The following ADAMTS17 variants were observed in gnomAD, a reference collection of about 807,000 sequenced individuals.
The protein encoded by ADAMTS17 is ADAM metallopeptidase with thrombospondin type 1 motif 17.
ADAMTS17 carries 113 observed loss-of-function variants against 141.5 expected under a neutral mutation model. That is an observed-to-expected ratio of 0.80 (90% CI 0.69 to 0.93). The LOEUF is 0.93. Among genes scored for constraint, ADAMTS17 ranks in the 40% least tolerant of loss-of-function variants. The probability of loss-of-function intolerance (pLI) is 0.00; values close to 1 mark genes in which losing one functional copy is unlikely to be tolerated. For missense variants in ADAMTS17, 1,659 were observed against 1,517.9 expected, an observed-to-expected ratio of 1.09 and a Z score of -1.54; for synonymous variants, 768 against 630.6, an observed-to-expected ratio of 1.22 and a Z score of -3.27.
intron 3 of ADAMTS17, among the ~76,000 whole-genome samples, chr15:100,316,463 C>G (rs1464812618): frequency 6.6e-6 from 1 of 152,194 alleles, no homozygotes; most frequent in African/African-American, 2.4e-5. Flanking sequence ...CCTTCGGAAT[C>G]AAGCCCATTG....
intron 6 of ADAMTS17, among the ~76,000 whole-genome samples, chr15:100,261,058 A>C (rs1003367400): frequency 2.6e-5 from 4 of 152,204 alleles, no homozygotes; most frequent in Non-Finnish European, 5.9e-5. Context: ...TGTATCCCCC[A>C]AAAAAGAAAT....
chr15:100,341,170 A>C lies in ADAMTS17; in HGVS notation c.319T>G (p.Phe107Val). 1 of 1,463,428 alleles carries C rather than the reference A, an allele frequency of 6.8e-7. No individual in the cohort carries two copies. Among genetic ancestry groups the C allele is most frequent in the Non-Finnish European group, 9.0e-7 (1 of 1,112,298 alleles). 90.7% of individuals were successfully genotyped at this position (1,463,428 alleles called of 1,614,324 possible). ...RRDLRFLSRG[F>V]EVEEAGAARR... Reference sequence around the variant, plus strand: ...GCCGCGCCCGCCTCCTCCACCTCGAAGCCTCGGGACAGGAAGCGCAGGTCG... The same window carrying C: ...GCCGCGCCCGCCTCCTCCACCTCGACGCCTCGGGACAGGAAGCGCAGGTCG... Residue 107 changes from phenylalanine to valine, a missense_variant, in exon 2 of 22, where the codon TTC (phenylalanine) becomes GTC (valine). Transcript: ENST00000268070.
At chr15:100,005,106 C>T (rs1436746990) in intron 18 of ADAMTS17, among the ~76,000 whole-genome samples, 1 of 152,202 alleles carries the variant, frequency 6.6e-6, no homozygotes. Flanking sequence ...TAATTCAGGG[C>T]ACCCCTTCTC....
At chr15:100,281,098 A>C (rs1294024891) in intron 4 of ADAMTS17, 131 bp downstream of exon 4, 20 of 1,306,520 alleles carry the variant, frequency 1.5e-5, no homozygotes, top group Non-Finnish European at 2.1e-5. Context: ...CAGAATTACC[A>C]GGCTATGTTC....
rs58885869 is a variant in ADAMTS17 at position 100,330,013 on chromosome 15, C to A, written c.616+876G>T. On this transcript the variant is annotated intron_variant, in intron 3 of 21. Coordinates refer to ENST00000268070, the MANE Select transcript of ADAMTS17 (RefSeq NM_139057.4). ...CTTTAAACTACAGAAGCACAACCCCCAGAAGTCAGCAGTGGGGTCCCACGA... is the reference window on the plus strand; with the variant it reads ...CTTTAAACTACAGAAGCACAACCCCAAGAAGTCAGCAGTGGGGTCCCACGA... Among the ~76,000 whole-genome samples, 308 of 152,316 alleles carry A rather than the reference C, an allele frequency of 2.0e-3. 4 individuals carry two copies. The highest frequency in any genetic ancestry group is 7.1e-3 in the African/African-American group (295 of 41,566).
rs187667059 is a variant in ADAMTS17, at chr15:100,021,613, A to C, written c.2592-24024T>G. Among the ~76,000 whole-genome samples, 361 of 152,342 alleles carry C rather than the reference A, an allele frequency of 2.4e-3. 2 individuals carry two copies. The highest frequency in any genetic ancestry group is 0.014 in the Middle Eastern group (4 of 294). On this transcript the variant is annotated intron_variant, in intron 18 of 21. Coordinates refer to ENST00000268070, the MANE Select transcript of ADAMTS17 (RefSeq NM_139057.4). ...TGAGCCCAGCATTCCGGTCCCAGCC[A>C]GTCTGATGATTTACTCATTCGTTCA...
intron 12 of ADAMTS17, among the ~76,000 whole-genome samples, chr15:100,127,210 T>G (rs1198084254): frequency 6.6e-6 from 1 of 152,094 alleles, no homozygotes; most frequent in Non-Finnish European, 1.5e-5. Context: ...AGACCTTATT[T>G]GGCAAAAGGG....
At chr15:100,271,834 T>G (rs2043923928) in intron 4 of ADAMTS17, among the ~76,000 whole-genome samples, 1 of 152,208 alleles carries the variant, frequency 6.6e-6, no homozygotes, top group Non-Finnish European at 1.5e-5. Context: ...CTTTTCCGTT[T>G]TTTCTTCTAA....
At chr15:100,278,327 CAAA>C (rs34991549) in intron 4 of ADAMTS17, among the ~76,000 whole-genome samples, 5 of 101,062 alleles carry the variant, frequency 4.9e-5, no homozygotes, top group Admixed American at 2.3e-4. Flanking sequence ...CATTCTACCA[CAAA>C]AAAAAAAAAA....
At chr15:100,137,707 C>T (rs2038406202) in intron 10 of ADAMTS17, among the ~76,000 whole-genome samples, 1 of 152,248 alleles carries the variant, frequency 6.6e-6, no homozygotes, top group African/African-American at 2.4e-5. Flanking sequence ...CCATACCCAG[C>T]TGTCTTTATA....
At chr15:100,078,118 A>G (rs143868743) in intron 15 of ADAMTS17, among the ~76,000 whole-genome samples, 3 of 152,230 alleles carry the variant, frequency 2.0e-5, no homozygotes, top group South Asian at 2.1e-4. Flanking sequence ...AAATGGAAAG[A>G]TATTTTATAT....
rs369937120 is a variant in ADAMTS17, at chr15:100,202,169, C to G, written c.1076-2746G>C. ...TCAAATGCCACACAAACACATCCCC[C>G]CTGGCCTCAGCCACACTCAGCACTC... On this transcript the variant is annotated intron_variant, in intron 7 of 21. Coordinates refer to ENST00000268070, the MANE Select transcript of ADAMTS17 (RefSeq NM_139057.4). 8.2e-4 allele frequency among the ~76,000 whole-genome samples: 125 copies of G among 152,336 alleles called. 2 individuals carry two copies. The South Asian group carries it at 0.024, about 29-fold the overall frequency.
chr15:100,284,290 C>T (rs546865705), intron 3 of ADAMTS17, among the ~76,000 whole-genome samples: 9 of 152,192 alleles, frequency 5.9e-5, no homozygotes, highest in Non-Finnish European at 1.2e-4. Flanking sequence ...AACAGGTAAA[C>T]GGGCAGGTGC....
In ADAMTS17 at chr15:99,974,466, C is replaced by T. The variant is rs780853868; in HGVS notation, c.3224G>A (p.Arg1075His). ...NLCQDMRWYQ[R>H]CCQTCRDFYA... is the part of the protein sequence containing the mutation. ...GAAGTCCCTGCAGGTCTGGCAGCAG[C>T]GCTGGTACCACCGCATGTCCTGGCA... The change falls in exon 22 of 22, where the codon CGC becomes CAC. Residue 1075 changes from arginine to histidine, a missense_variant. Transcript: ENST00000268070. 1.3e-5 allele frequency: 21 copies of T among 1,614,076 alleles called. No homozygotes were observed. Among genetic ancestry groups the T allele is most frequent in the African/African-American group, 2.7e-5 (2 of 74,928 alleles).
chr15:100,192,574 T>C (rs1334395175), intron 8 of ADAMTS17, among the ~76,000 whole-genome samples: 3 of 152,204 alleles, frequency 2.0e-5, no homozygotes, highest in Non-Finnish European at 4.4e-5. Flanking sequence ...CTGTGCCTAC[T>C]AGGTGGAGCA....
At position 100,187,800 on chromosome 15, in the gene ADAMTS17, G is replaced by A. The variant is rs528189526; in HGVS notation, c.1181+11518C>T. Among the ~76,000 whole-genome samples the A allele has an allele frequency of 2.9e-4, 44 of 152,268 alleles. 2 individuals are homozygous for A. Among genetic ancestry groups the A allele is most frequent in the African/African-American group, 6.7e-4 (28 of 41,558 alleles). On this transcript the variant is annotated intron_variant, in intron 8 of 21. Coordinates refer to ENST00000268070, the MANE Select transcript of ADAMTS17 (RefSeq NM_139057.4). ...GACACCCTCTAGGAAAAGCACAGTC[G>A]CTCACATCTCGGCTTCTGCCCCCAA...
At chr15:100,341,714 C>T (rs1396110550) in intron 1 of ADAMTS17, 107 bp downstream of exon 1, 3 of 1,382,958 alleles carry the variant, frequency 2.2e-6, no homozygotes, top group Non-Finnish European at 1.9e-6. Flanking sequence ...GCTCGGGCGC[C>T]GTCAGCGGTC....
chr15:100,168,100 G>A (rs1012546361), intron 8 of ADAMTS17, among the ~76,000 whole-genome samples: 2 of 152,170 alleles, frequency 1.3e-5, no homozygotes, highest in African/African-American at 2.4e-5. Flanking sequence ...AGTCTGCGGC[G>A]GGCCTTCCTC....
At chr15:100,333,036 C>CA (rs2141963529) in intron 2 of ADAMTS17, among the ~76,000 whole-genome samples, 1 of 152,288 alleles carries the variant, frequency 6.6e-6, no homozygotes, top group African/African-American at 2.4e-5. Context: ...CACCAGTGGT[C>CA]AAACGTCCTG....
Sources: allele counts gnomAD v4.1 joint callset (sites outside exome capture counted in the v4.1 genomes callset), GRCh38; gene constraint gnomAD v4.1.1; transcripts MANE v1.5; gene names NCBI Gene and HGNC (gene_info 2026-07-23, HGNC 2026-07-21).